The following JPT2 variants were observed in gnomAD, a reference collection of about 807,000 sequenced individuals.
JPT2 encodes the protein Jupiter microtubule associated homolog 2.
JPT2 carries 9 observed loss-of-function variants against 15.9 expected under a neutral mutation model. The observed-to-expected ratio is 0.57, with a 90% CI of 0.34 to 0.99. The LOEUF (loss-of-function observed/expected upper bound fraction) is 0.99, where lower values mean the gene tolerates loss of function less well. Among genes scored for constraint, JPT2 ranks in the 50% least tolerant of loss-of-function variants. JPT2 has a pLI of 0.02. For synonymous variants in JPT2, 95 were observed against 91.7 expected (o/e 1.04, Z -0.21); for missense variants, 267 against 252.1 (o/e 1.06, Z -0.40).
At chr16:1,697,714 T>G (rs1330888988) in intron 3 of JPT2, 98 bp from the exon 4 acceptor site, 1 of 1,160,436 alleles carries the variant, frequency 8.6e-7, no homozygotes, top group African/African-American at 1.5e-5. Context: ...AGCATTTTTG[T>G]AAATTAAAAG....
In JPT2 at chr16:1,701,177, T is replaced by C. The variant is rs1047133912; in HGVS notation, c.*2179T>C. The C allele has an allele frequency of 2.0e-5, 3 of 152,628 alleles. No individual in the cohort carries two copies. Among genetic ancestry groups the C allele is most frequent in the Non-Finnish European group, 2.9e-5 (2 of 68,036 alleles). The allele number at this position is 152,628 out of a possible 1,614,324, so 9.5% of individuals were successfully genotyped here. A position where few individuals can be genotyped will look rare whatever the true frequency, so the allele number is the denominator to read the frequency against. ...TCTGTACGTTGGGGACTGCCTGTAT[T>C]TGGAAGATTTAAAAACCTAGCATCC... On this transcript the variant is annotated 3_prime_UTR_variant, in exon 5 of 5. Transcript: ENST00000248098.
At position 1,698,789 on chromosome 16, in the gene JPT2, G is replaced by T. The variant is rs755996607; in HGVS notation, c.386-22G>T. On this transcript the variant is annotated intron_variant, in intron 4 of 4. Coordinates refer to ENST00000248098, the MANE Select transcript of JPT2 (RefSeq NM_144570.3). This position sits in a 1 kb window ranked among gnomAD's most constrained non-coding sequence, Gnocchi z 4.9. ...CATGGGTTGCCTCTAATGGGATGTT[G>T]TTCTAACTTTGTGTCCCACAGCTGC... The T allele has an allele frequency of 2.5e-6, 4 of 1,601,250 alleles. No individual in the cohort carries two copies.
At chr16:1,678,943 A>G (rs2036997735) in intron 1 of JPT2, among the ~76,000 whole-genome samples, 1 of 152,190 alleles carries the variant, frequency 6.6e-6, no homozygotes, top group Non-Finnish European at 1.5e-5. Flanking sequence ...GGAAAGTGCC[A>G]GGGCGTCTGG....
Position 1,701,430 on chromosome 16 carries a change from T to C in JPT2, c.*2432T>C, listed in dbSNP as rs2037179451. 1 of 152,278 alleles carries C rather than the reference T, an allele frequency of 6.6e-6. No homozygotes were observed. Among genetic ancestry groups the C allele is most frequent in the Admixed American group, 6.5e-5 (1 of 15,270 alleles). The allele number at this position is 152,278 out of a possible 1,614,324, so 9.4% of individuals were successfully genotyped here. ...AACTTAGCAATCACGTGCTCAGAGC[T>C]TTTGCCTGTCAGTTGTGTGTGTCCC... is the stretch of plus-strand genomic sequence containing the variant. On this transcript the variant is annotated 3_prime_UTR_variant, in exon 5 of 5. Transcript: ENST00000248098.
chr16:1,680,414 T>C, intron 1 of JPT2: 2 of 1,163,550 alleles, frequency 1.7e-6, no homozygotes, highest in Non-Finnish European at 2.2e-6. Context: ...GGGGGACTGG[T>C]TTCTGGACAA....
intron 3 of JPT2, among the ~76,000 whole-genome samples, chr16:1,696,943 C>T (rs560904634): frequency 6.6e-6 from 1 of 152,236 alleles, no homozygotes; most frequent in East Asian, 1.9e-4. Flanking sequence ...ACCATATGAC[C>T]GAATAATTCC....
At chr16:1,695,491 G>A (rs1048024415) in intron 3 of JPT2, among the ~76,000 whole-genome samples, 2 of 151,896 alleles carry the variant, frequency 1.3e-5, no homozygotes, top group Admixed American at 6.6e-5. Context: ...AAGATTGCTT[G>A]AGCCCAGTTG....
rs987035368 is a variant in JPT2 at position 1,700,381 on chromosome 16, CAG to C, written c.*1386_*1387del. 1.0e-5 allele frequency: 3 copies of C among 287,206 alleles called. No homozygotes were observed. Among genetic ancestry groups the C allele is most frequent in the Non-Finnish European group, 2.2e-5 (3 of 136,824 alleles). 17.8% of individuals were successfully genotyped at this position (287,206 alleles called of 1,614,324 possible). A position where few individuals can be genotyped will look rare whatever the true frequency, so the allele number is the denominator to read the frequency against. On this transcript the variant is annotated 3_prime_UTR_variant, in exon 5 of 5. Coordinates refer to ENST00000248098, the MANE Select transcript of JPT2 (RefSeq NM_144570.3). ...CTGCCCTTGGGTGGGCATCTGTTAACAGAGGAGAACGTCTGGGTGGCGGCAGC... is the reference window on the plus strand; with the variant it reads ...CTGCCCTTGGGTGGGCATCTGTTAACAGGAGAACGTCTGGGTGGCGGCAGC...
intron 1 of JPT2, chr16:1,683,534 T>C: frequency 2.0e-6 from 3 of 1,535,266 alleles, no homozygotes; most frequent in Non-Finnish European, 1.7e-6. Context: ...GACAGGAAGT[T>C]TGGCATCCAC....
At chr16:1,683,065 C>T (rs1163631842) in intron 1 of JPT2, among the ~76,000 whole-genome samples, 1 of 152,216 alleles carries the variant, frequency 6.6e-6, no homozygotes, top group African/African-American at 2.4e-5. Flanking sequence ...CAAGCTCCGC[C>T]TCCCGGGTTC....
intron 3 of JPT2, 176 bp downstream of exon 3, chr16:1,692,161 A>G: frequency 1.2e-6 from 1 of 815,392 alleles, no homozygotes; most frequent in East Asian, 2.7e-5. Flanking sequence ...TCACCCAGGA[A>G]ACAGTCCAGC....
In JPT2 at chr16:1,691,959, C is replaced by A. The variant is rs779490945; in HGVS notation, c.310C>A (p.Arg104Ser). The A allele has an allele frequency of 1.9e-6, 3 of 1,614,198 alleles. No homozygotes were observed. The highest frequency in any genetic ancestry group is 2.2e-5 in the East Asian group (1 of 44,882). Residue 104 changes from arginine (R) to serine (S), a missense_variant, in exon 3 of 5, where the codon CGC (arginine) becomes AGC (serine). Coordinates refer to ENST00000248098, the MANE Select transcript of JPT2 (RefSeq NM_144570.3). ...IFGSPVTATS[R>S]LAHPNKPKDH... ...TGGGTCTCCGGTCACTGCCACTTCA[C>A]GCTTGGCACACCCAAACAAACCCAA...
rs542932581 is a variant in JPT2, at chr16:1,678,341, G to T, written c.29G>T (p.Gly10Val). Reference sequence around the variant, plus strand: ...TTCCAGGTCCCGGATAGCGAGGGCGGCCGCGCCGGCTCCAGGTGCGGCGCG... The same window carrying T: ...TTCCAGGTCCCGGATAGCGAGGGCGTCCGCGCCGGCTCCAGGTGCGGCGCG... Reference protein sequence around the residue: MFQVPDSEGGRAGSRAMKPP... With the variant: MFQVPDSEGVRAGSRAMKPP... Residue 10 changes from glycine (G) to valine (V), a missense_variant, in exon 1 of 5, where the codon GGC becomes GTC. Transcript: ENST00000248098. 17 of 1,233,992 alleles carry T rather than the reference G, an allele frequency of 1.4e-5. No homozygotes were observed. Among genetic ancestry groups the T allele is most frequent in the African/African-American group, 3.1e-5 (2 of 64,134 alleles). 76.4% of individuals were successfully genotyped at this position (1,233,992 alleles called of 1,614,324 possible). A position where few individuals can be genotyped will look rare whatever the true frequency, so the allele number is the denominator to read the frequency against.
At chr16:1,702,103 A>G (rs934834083), downstream of JPT2, 1 of 454,730 alleles carries the variant, frequency 2.2e-6, no homozygotes, top group African/African-American at 2.0e-5. Context: ...AGCTATTTTC[A>G]TATGTTTTCT....
At chr16:1,683,470 G>C in intron 1 of JPT2, 1 of 1,327,650 alleles carries the variant, frequency 7.5e-7, no homozygotes, top group Non-Finnish European at 1.0e-6. Flanking sequence ...TTTCTTAAGT[G>C]CACCTGTCTT....
In JPT2 at chr16:1,679,108, T is replaced by C. The variant is rs533756026; in HGVS notation, c.44+752T>C. 1.2e-3 allele frequency among the ~76,000 whole-genome samples: 181 copies of C among 152,300 alleles called. 3 individuals are homozygous for C. Among genetic ancestry groups the C allele is most frequent in the Admixed American group, 4.6e-4 (7 of 15,300 alleles). The stretch of plus-strand genomic sequence containing the variant: ...TGTTTTTGAACTTTTAAAGCACTCT[T>C]TGGGTATTGGGACTCGCATGAATTA... On this transcript the variant is annotated intron_variant, in intron 1 of 4. Coordinates refer to ENST00000248098, the MANE Select transcript of JPT2 (RefSeq NM_144570.3).
intron 3 of JPT2, among the ~76,000 whole-genome samples, chr16:1,693,817 G>C (rs145244803): frequency 2.6e-3 from 391 of 151,822 alleles, no homozygotes; most frequent in African/African-American, 9.1e-3. Context: ...AGGCTGCTAG[G>C]GTGGTGTCAG....
chr16:1,681,965 A>G (rs1359934111), intron 1 of JPT2, among the ~76,000 whole-genome samples: 1 of 152,252 alleles, frequency 6.6e-6, no homozygotes, highest in African/African-American at 2.4e-5. Context: ...TGCTCAGCTC[A>G]CATAAGACTT....
At chr16:1,678,812 G>A (rs894063584) in intron 1 of JPT2, among the ~76,000 whole-genome samples, 4 of 151,908 alleles carry the variant, frequency 2.6e-5, no homozygotes, top group Non-Finnish European at 4.4e-5. Flanking sequence ...GTTCGTGGGG[G>A]GTGTCTGGCC....
Sources: gnomAD v4.1 joint callset for allele counts (sites outside exome capture counted in the v4.1 genomes callset) on GRCh38, gnomAD v4.1.1 for gene constraint, Gnocchi (gnomAD v3.1) non-coding constraint, MANE v1.5 for transcripts, NCBI Gene and HGNC (gene_info 2026-07-23, HGNC 2026-07-21) for gene names.